Variants in ITSN2 observed in about 807,000 individuals in gnomAD.
ITSN2 encodes the protein intersectin 2, also known as intersectin-2.
Under a neutral mutation model 243.7 loss-of-function variants are expected in ITSN2, and 156 were observed. That is an observed-to-expected ratio of 0.64 (90% CI 0.56 to 0.73). ITSN2 has a LOEUF of 0.73. ITSN2 is among the 30% of genes least tolerant of loss of function. The probability of loss-of-function intolerance (pLI) is 0.00; values close to 1 mark genes in which losing one functional copy is unlikely to be tolerated. For missense variants in ITSN2, 1,801 were observed against 1,996.1 expected (o/e 0.90, Z 1.86); for synonymous variants, 703 against 699.9 (o/e 1.00, Z -0.07).
intron 17 of ITSN2, among the ~76,000 whole-genome samples, chr2:24,282,476 A>C (rs867873802): frequency 6.6e-6 from 1 of 152,202 alleles, no homozygotes; most frequent in South Asian, 2.1e-4. Context: ...CCAGTACACC[A>C]AGGCAAGAAA....
chr2:24,213,151 T>G (rs1669656567), intron 32 of ITSN2, among the ~76,000 whole-genome samples: 1 of 152,126 alleles, frequency 6.6e-6, no homozygotes, highest in South Asian at 2.1e-4. Context: ...TCGGAGCTGA[T>G]TCACACTTGA....
intron 29 of ITSN2, chr2:24,239,306 C>A (rs989949345): frequency 1.3e-5 from 2 of 152,288 alleles, no homozygotes; most frequent in African/African-American, 4.8e-5. Context: ...TTCTTTCCCC[C>A]AGTTTCTTTC....
chr2:24,225,551 A>G lies in ITSN2; in HGVS notation c.3578-4485T>C, dbSNP rs559016615. 5.3e-5 allele frequency among the ~76,000 whole-genome samples: 8 copies of G among 152,060 alleles called. No homozygotes were observed. In the East Asian group the frequency reaches 1.6e-3, roughly 29 times the overall value. The stretch of plus-strand genomic sequence containing the variant: ...TTGGAGACTTGAGTCTGCCTTTCTC[A>G]GCCCTTGAGCCTCTCCTCTTCTTGG... On this transcript the variant is annotated intron_variant, in intron 29 of 39. Coordinates refer to ENST00000355123, the MANE Select transcript of ITSN2 (RefSeq NM_006277.3). The surrounding 1 kb of genome is among the most constrained non-coding windows in gnomAD (Gnocchi z 4.2).
At chr2:24,329,208 C>T (rs1330317500) in intron 1 of ITSN2, among the ~76,000 whole-genome samples, 1 of 151,914 alleles carries the variant, frequency 6.6e-6, no homozygotes, top group East Asian at 1.9e-4. Flanking sequence ...ATTCAGCTGT[C>T]AATAAATTCA....
intron 1 of ITSN2, among the ~76,000 whole-genome samples, chr2:24,347,071 GC>G: frequency 6.6e-6 from 1 of 151,868 alleles, no homozygotes; most frequent in Non-Finnish European, 1.5e-5. Flanking sequence ...CACCATATTG[GC>G]CAGGCTGGTC....
At chr2:24,346,123 G>A (rs1336523389) in intron 1 of ITSN2, among the ~76,000 whole-genome samples, 1 of 152,100 alleles carries the variant, frequency 6.6e-6, no homozygotes, top group Non-Finnish European at 1.5e-5. Context: ...CCACAAAGAT[G>A]GAAAGGCAGA....
intron 20 of ITSN2, 123 bp from the exon 21 acceptor site, chr2:24,261,865 A>G: frequency 1.6e-6 from 1 of 626,270 alleles, no homozygotes; most frequent in Non-Finnish European, 2.6e-6. Flanking sequence ...TAAACAGCTA[A>G]GGCATTTTCT....
In ITSN2 at chr2:24,348,997, T is replaced by C. The variant is rs368950817; in HGVS notation, c.-34+11307A>G. 1.6e-4 allele frequency among the ~76,000 whole-genome samples: 24 copies of C among 152,294 alleles called. No individual in the cohort carries two copies. The South Asian group carries it at 3.7e-3, about 24-fold the overall frequency. ...AATAATAAATGTGGGCCAGTTGCAGTGGCTCACCCCTGTAATCCCAGCACT... is the reference window on the plus strand; with the variant it reads ...AATAATAAATGTGGGCCAGTTGCAGCGGCTCACCCCTGTAATCCCAGCACT... On this transcript the variant is annotated intron_variant, in intron 1 of 39. Coordinates refer to ENST00000355123, the MANE Select transcript of ITSN2 (RefSeq NM_006277.3).
intron 32 of ITSN2, 140 bp from the exon 33 acceptor site, chr2:24,212,888 G>T: frequency 1.5e-6 from 1 of 682,618 alleles, no homozygotes; most frequent in Non-Finnish European, 2.5e-6. Context: ...ATTTTTTTTA[G>T]GTGAGTGTTC....
intron 1 of ITSN2, among the ~76,000 whole-genome samples, chr2:24,332,767 T>A (rs751168103): frequency 6.6e-6 from 1 of 152,236 alleles, no homozygotes; most frequent in African/African-American, 2.4e-5. Context: ...ACAATTATAA[T>A]TGAAATTTTG....
intron 29 of ITSN2, chr2:24,239,885 T>C (rs1307155002): frequency 2.0e-5 from 3 of 152,080 alleles, no homozygotes; most frequent in Non-Finnish European, 4.4e-5. Flanking sequence ...TCAGTTAATA[T>C]AGTAAATTTA....
chr2:24,298,519 A>C (rs1172369111), intron 13 of ITSN2, 146 bp downstream of exon 13: 1 of 648,954 alleles, frequency 1.5e-6, no homozygotes. Context: ...CTGGTTTCAA[A>C]CTCCTGCCCC....
At chr2:24,294,845 C>T (rs76326891) in intron 14 of ITSN2, among the ~76,000 whole-genome samples, 2,980 of 152,234 alleles carry the variant, frequency 0.02, 88 homozygotes, top group African/African-American at 0.067. Flanking sequence ...CTTTAGGAGG[C>T]TCCACACTCA....
rs1670121340 is a variant in ITSN2, at chr2:24,217,932, T to A, written c.3781A>T (p.Ile1261Phe). The change falls in exon 31 of 40, where the codon ATC (isoleucine) becomes TTC (phenylalanine). Residue 1261 changes from isoleucine to phenylalanine, a missense_variant. By Grantham distance (21) the Ile-to-Phe change is conservative. Coordinates refer to ENST00000355123, the MANE Select transcript of ITSN2 (RefSeq NM_006277.3). ...ALIFVNWKEL[I>F]MSNTKLLKAL... Reference sequence around the variant, plus strand: ...TTCAGCAGCTTTGTGTTGGACATGATGAGCTCCTTCCAGTTAACAAAAATC... The same window carrying A: ...TTCAGCAGCTTTGTGTTGGACATGAAGAGCTCCTTCCAGTTAACAAAAATC... 3 of 1,612,814 alleles carry A rather than the reference T, an allele frequency of 1.9e-6. No individual in the cohort carries two copies. Among genetic ancestry groups the A allele is most frequent in the Non-Finnish European group, 2.5e-6 (3 of 1,178,964 alleles).
chr2:24,228,383 A>G (rs1370883988), intron 29 of ITSN2, among the ~76,000 whole-genome samples: 1 of 152,220 alleles, frequency 6.6e-6, no homozygotes, highest in African/African-American at 2.4e-5. Flanking sequence ...AAGAAGGAAA[A>G]AGAAAAGAGA....
At chr2:24,308,783 T>TA (rs769080590) in intron 7 of ITSN2, 27 bp from the exon 8 acceptor site, 4 of 1,176,232 alleles carry the variant, frequency 3.4e-6, no homozygotes, top group Non-Finnish European at 4.5e-6. Context: ...TTAAAATTTT[T>TA]ATGTTACTAA....
intron 32 of ITSN2, 129 bp from the exon 33 acceptor site, chr2:24,212,877 A>G: frequency 2.6e-6 from 2 of 758,728 alleles, no homozygotes; most frequent in Non-Finnish European, 4.3e-6. Context: ...ACTGTTTTAG[A>G]ATTTTTTTTA....
intron 1 of ITSN2, chr2:24,330,287 C>A: frequency 2.6e-6 from 1 of 380,824 alleles, no homozygotes; most frequent in Non-Finnish European, 5.0e-6. Flanking sequence ...AAAAGAATGC[C>A]AAATAGAGAG....
intron 37 of ITSN2, chr2:24,206,362 G>C: frequency 2.9e-6 from 1 of 350,406 alleles, no homozygotes; most frequent in South Asian, 2.3e-5. Context: ...CTGCATGGGG[G>C]GGCCCGGCGG....
Sources: gnomAD v4.1 joint callset for allele counts (sites outside exome capture counted in the v4.1 genomes callset) on GRCh38, gnomAD v4.1.1 for gene constraint, Gnocchi (gnomAD v3.1) non-coding constraint, MANE v1.5 for transcripts, NCBI Gene and HGNC (gene_info 2026-07-23, HGNC 2026-07-21) for gene names.